The following SCYL2 variants were observed in gnomAD, a reference collection of about 807,000 sequenced individuals.
The protein encoded by SCYL2 is SCY1-like protein 2.
In SCYL2, 36 loss-of-function variants were observed where a neutral mutation model predicts 100.4. The ratio of observed to expected loss-of-function variants is 0.36; its 90% confidence interval spans 0.27 to 0.47. The LOEUF is 0.47. Among genes scored for constraint, SCYL2 ranks in the 20% least tolerant of loss-of-function variants. The pLI is 1.00. For synonymous variants in SCYL2, 330 were observed against 359.2 expected, an observed-to-expected ratio of 0.92 and a Z score of 0.92; for missense variants, 902 against 1,083.9, an observed-to-expected ratio of 0.83 and a Z score of 2.36.
intron 16 of SCYL2, 60 bp downstream of exon 16, chr12:100,335,966 C>T (rs2135944173): frequency 8.0e-7 from 1 of 1,248,060 alleles, no homozygotes. Flanking sequence ...TTCCTGTAAA[C>T]CACAGATTTT....
At chr12:100,294,459 G>A (rs1169573078) in intron 3 of SCYL2, among the ~76,000 whole-genome samples, 18 of 116,552 alleles carry the variant, frequency 1.5e-4, no homozygotes, top group East Asian at 2.6e-4. Flanking sequence ...AGGGGCGGCC[G>A]GGCAGAGGCG....
intron 10 of SCYL2, among the ~76,000 whole-genome samples, chr12:100,320,724 C>T (rs1020481331): frequency 6.6e-6 from 1 of 151,994 alleles, no homozygotes; most frequent in Non-Finnish European, 1.5e-5. Flanking sequence ...TGGCACTTTC[C>T]AGTCGCTTTT....
chr12:100,319,148 C>A, intron 10 of SCYL2: 1 of 446,086 alleles, frequency 2.2e-6, no homozygotes, highest in South Asian at 1.6e-5. Context: ...GGACTTAATT[C>A]AGTCTTTGTC....
intron 1 of SCYL2, among the ~76,000 whole-genome samples, chr12:100,268,398 T>C (rs1028570921): frequency 1.3e-5 from 2 of 152,180 alleles, no homozygotes; most frequent in African/African-American, 4.8e-5. Context: ...ACTTTGCAGG[T>C]TTGTTGTTGT....
At position 100,315,582 on chromosome 12, in the gene SCYL2, C is replaced by G; in HGVS notation, c.1120C>G (p.Pro374Ala). ...PKRVIVQRIL[P>A]CLTSEFVNPD... ...GCGTGTCATTGTGCAGAGAATTTTG[C>G]CTTGTTTGACTTCAGAATTTGTAAA... Residue 374 changes from proline to alanine, a missense_variant, in exon 9 of 18, where the codon CCT becomes GCT. Coordinates refer to ENST00000360820, the MANE Select transcript of SCYL2 (RefSeq NM_017988.6). 6.2e-7 allele frequency: 1 copy of G among 1,601,042 alleles called. No homozygotes were observed. The highest frequency in any genetic ancestry group is 1.7e-4 in the Middle Eastern group (1 of 6,008).
intron 2 of SCYL2, among the ~76,000 whole-genome samples, chr12:100,287,629 AG>A (rs1265175063): frequency 1.3e-5 from 2 of 152,222 alleles, no homozygotes; most frequent in African/African-American, 4.8e-5. Context: ...GTGTTTTTAA[AG>A]AATCTGCAAT....
rs2096280642 is a variant in SCYL2, at chr12:100,267,785, A to T, written c.-36A>T. 6.6e-6 allele frequency: 1 copy of T among 152,110 alleles called. No individual in the cohort carries two copies. The highest frequency in any genetic ancestry group is 2.4e-5 in the African/African-American group (1 of 41,402). 9.4% of individuals were successfully genotyped at this position (152,110 alleles called of 1,614,324 possible). ...TTTCGGGGACATTGGACACTACTCTAGGACCGGGTGAGAGAGTTCACCTCA... is the reference window on the plus strand; with the variant it reads ...TTTCGGGGACATTGGACACTACTCTTGGACCGGGTGAGAGAGTTCACCTCA... On this transcript the variant is annotated 5_prime_UTR_variant, in exon 1 of 18. Coordinates refer to ENST00000360820, the MANE Select transcript of SCYL2 (RefSeq NM_017988.6).
intron 4 of SCYL2, among the ~76,000 whole-genome samples, chr12:100,303,543 G>A (rs888265137): frequency 5.3e-5 from 8 of 152,170 alleles, no homozygotes; most frequent in Non-Finnish European, 8.8e-5. Flanking sequence ...GGAGTTTGCT[G>A]GAGGTCCACT....
At chr12:100,284,256 AT>A (rs2096302071) in intron 2 of SCYL2, among the ~76,000 whole-genome samples, 1 of 152,180 alleles carries the variant, frequency 6.6e-6, no homozygotes, top group Non-Finnish European at 1.5e-5. Flanking sequence ...TCTCCTGATG[AT>A]TTTGGAGCTT....
At chr12:100,294,521 AGGCTGACT>A (rs2096315650) in intron 3 of SCYL2, among the ~76,000 whole-genome samples, 2 of 68,784 alleles carry the variant, frequency 2.9e-5, no homozygotes, top group South Asian at 4.3e-4. Flanking sequence ...TGACTCCCCC[AGGCTGACT>A]CCCCCACCTC....
At chr12:100,331,365 T>A (rs1952206630) in intron 13 of SCYL2, among the ~76,000 whole-genome samples, 1 of 152,140 alleles carries the variant, frequency 6.6e-6, no homozygotes, top group Non-Finnish European at 1.5e-5. Context: ...CCCAGCACTT[T>A]GGGAGGGAAG....
chr12:100,304,914 TAC>T (rs2096332403), intron 4 of SCYL2, among the ~76,000 whole-genome samples: 1 of 151,930 alleles, frequency 6.6e-6, no homozygotes, highest in East Asian at 1.9e-4. Flanking sequence ...AGAAGGGCAC[TAC>T]ATAATGGTAC....
intron 1 of SCYL2, among the ~76,000 whole-genome samples, chr12:100,271,194 A>G (rs993852182): frequency 1.4e-5 from 2 of 147,428 alleles, no homozygotes; most frequent in Admixed American, 7.0e-5. Context: ...GCAGAAATGT[A>G]TATTTCAAGA....
At position 100,285,397 on chromosome 12, in the gene SCYL2, G is replaced by C. The variant is rs73147816; in HGVS notation, c.177+2250G>C. ...TTCTTTTCATTGATAGAGTATAGCT[G>C]TAGACATTCTTGTATGTGCCATTGG... On this transcript the variant is annotated intron_variant, in intron 2 of 17. Coordinates refer to ENST00000360820, the MANE Select transcript of SCYL2 (RefSeq NM_017988.6). Among the ~76,000 whole-genome samples, 948 of 152,332 alleles carry C rather than the reference G, an allele frequency of 6.2e-3. 8 individuals carry two copies. Among genetic ancestry groups the C allele is most frequent in the Non-Finnish European group, 0.01 (709 of 68,020 alleles).
intron 1 of SCYL2, among the ~76,000 whole-genome samples, chr12:100,277,526 G>A (rs1344239217): frequency 3.3e-5 from 5 of 152,130 alleles, no homozygotes; most frequent in Admixed American, 6.5e-5. Context: ...TTGTCTTCAA[G>A]CTTATTCTGT....
intron 3 of SCYL2, among the ~76,000 whole-genome samples, chr12:100,297,790 A>G (rs1172560920): frequency 6.6e-6 from 1 of 152,200 alleles, no homozygotes. Flanking sequence ...TAAGTTTTAA[A>G]AAAGATCGCA....
At chr12:100,308,265 A>C (rs2096337200) in intron 4 of SCYL2, among the ~76,000 whole-genome samples, 1 of 152,230 alleles carries the variant, frequency 6.6e-6, no homozygotes, top group African/African-American at 2.4e-5. Flanking sequence ...AGATTGGATA[A>C]AGAAAATGTG....
chr12:100,329,057 A>G lies in SCYL2; in HGVS notation c.1643-144A>G, dbSNP rs558732149. On this transcript the variant is annotated intron_variant, in intron 12 of 17. Transcript: ENST00000360820. ...GCTGAAATCATTCTGATTCATATGT[A>G]AGAACATCATTATTCTAGGCATTGA... 5 of 542,996 alleles carry G rather than the reference A, an allele frequency of 9.2e-6. No individual in the cohort carries two copies. The Admixed American group carries it at 1.4e-4, about 16-fold the overall frequency. The allele number at this position is 542,996 out of a possible 1,614,324, so 33.6% of individuals were successfully genotyped here.
intron 12 of SCYL2, chr12:100,327,141 C>A: frequency 2.8e-6 from 1 of 351,358 alleles, no homozygotes; most frequent in Non-Finnish European, 5.7e-6. Flanking sequence ...TTTTATTCTT[C>A]CCCAAATTCA....
Sources: gnomAD v4.1 joint callset for allele counts (sites outside exome capture counted in the v4.1 genomes callset) on GRCh38, gnomAD v4.1.1 for gene constraint, MANE v1.5 for transcripts, NCBI Gene and HGNC (gene_info 2026-07-23, HGNC 2026-07-21) for gene names.